The following ZNF423 variants were observed in gnomAD, a reference collection of about 807,000 sequenced individuals.
ZNF423 encodes zinc finger protein 423.
A neutral mutation model predicts 95.8 loss-of-function variants in ZNF423; 12 were observed. The ratio of observed to expected loss-of-function variants is 0.13; its 90% CI spans 0.08 to 0.20. The LOEUF (loss-of-function observed/expected upper bound fraction) is 0.20. Ranked by LOEUF, ZNF423 falls within the 10% of genes least tolerant of loss-of-function variation. The probability of loss-of-function intolerance (pLI) is 1.00; values close to 1 mark genes in which losing one functional copy is unlikely to be tolerated. For missense variants in ZNF423, 1,316 were observed against 1,737.1 expected (o/e 0.76, Z 4.31); for synonymous variants, 749 against 711.9 (o/e 1.05, Z -0.83).
intron 7 of ZNF423, among the ~76,000 whole-genome samples, chr16:49,522,355 G>A (rs902070519): frequency 2.6e-5 from 4 of 152,136 alleles, no homozygotes; most frequent in Non-Finnish European, 5.9e-5. Flanking sequence ...TGCTGGTAGA[G>A]AAGTCACCAC....
chr16:49,854,913 G>A (rs1158587918), intron 1 of ZNF423: 1 of 984,926 alleles, frequency 1.0e-6, no homozygotes, highest in Non-Finnish European at 1.2e-6. Flanking sequence ...GGGTGTCGAG[G>A]GTGCCGGTGC....
intron 3 of ZNF423, among the ~76,000 whole-genome samples, chr16:49,702,480 A>C (rs975759702): frequency 2.0e-5 from 3 of 152,118 alleles, no homozygotes; most frequent in African/African-American, 7.2e-5. Context: ...TACTGAAGGA[A>C]TCTTGAGGCG....
chr16:49,523,149 C>T (rs554305234), intron 7 of ZNF423, among the ~76,000 whole-genome samples: 8 of 152,278 alleles, frequency 5.3e-5, no homozygotes, highest in African/African-American at 1.9e-4. Context: ...CTGGTGACTG[C>T]CTCTAAGCTG....
At chr16:49,587,695 G>A (rs749607899) in intron 5 of ZNF423, among the ~76,000 whole-genome samples, 9 of 152,158 alleles carry the variant, frequency 5.9e-5, no homozygotes, top group Non-Finnish European at 8.8e-5. Context: ...CTAATGGCCT[G>A]GAAAGACTAT....
intron 5 of ZNF423, among the ~76,000 whole-genome samples, chr16:49,554,500 A>T (rs1023584910): frequency 1.4e-4 from 21 of 152,062 alleles, no homozygotes; most frequent in Non-Finnish European, 2.8e-4. Flanking sequence ...AAATGCCAAG[A>T]ATCGACTGGG....
intron 5 of ZNF423, among the ~76,000 whole-genome samples, chr16:49,579,185 A>G (rs1293605797): frequency 6.6e-6 from 1 of 152,078 alleles, no homozygotes; most frequent in Non-Finnish European, 1.5e-5. Flanking sequence ...GGCACTGGGA[A>G]TATTCTGTCC....
chr16:49,636,964 C>A lies in ZNF423; in HGVS notation c.2212G>T (p.Asp738Tyr). Residue 738 changes from aspartate to tyrosine, a missense_variant, in exon 4 of 8, where the codon GAC (aspartate) becomes TAC (tyrosine). Physicochemically the swap from Asp to Tyr is radical, Grantham distance 160 (BLOSUM62 -3). Coordinates refer to ENST00000563137, the MANE Select transcript of ZNF423 (RefSeq NM_001379286.1). This position sits in a 1 kb window ranked among gnomAD's most constrained non-coding sequence, Gnocchi z 8.6. ...YHCTLCQEVF[D>Y]SKVSIQVHLA... is the part of the protein sequence containing the mutation. ...TGCACCTGGATGGACACCTTGGAGT[C>A]GAAGACCTCCTGACACAGGGTGCAG... The A allele has an allele frequency of 6.2e-7, 1 of 1,613,650 alleles. No homozygotes were observed.
At chr16:49,509,882 G>C (rs1352349702) in intron 7 of ZNF423, among the ~76,000 whole-genome samples, 1 of 152,192 alleles carries the variant, frequency 6.6e-6, no homozygotes, top group Non-Finnish European at 1.5e-5. Flanking sequence ...CCTGTGAAAC[G>C]GGGATAACAG....
intron 2 of ZNF423, among the ~76,000 whole-genome samples, chr16:49,768,811 G>A (rs960081267): frequency 1.3e-5 from 2 of 151,816 alleles, no homozygotes; most frequent in Non-Finnish European, 2.9e-5. Context: ...ATCCTCCCCC[G>A]ATTGCCAGAA....
chr16:49,558,706 G>T (rs1826588875), intron 5 of ZNF423, among the ~76,000 whole-genome samples: 1 of 152,184 alleles, frequency 6.6e-6, no homozygotes, highest in South Asian at 2.1e-4. Context: ...CATCTTCCAT[G>T]AAATCAGCAG....
intron 4 of ZNF423, among the ~76,000 whole-genome samples, chr16:49,629,500 C>T (rs1972424589): frequency 6.6e-6 from 1 of 152,198 alleles, no homozygotes; most frequent in Admixed American, 6.5e-5. Context: ...GCAACACCCC[C>T]TCCATCCTTG....
In ZNF423 at chr16:49,712,121, T is replaced by TA. The variant is rs2032561777; in HGVS notation, c.301+18649dup. Among the ~76,000 whole-genome samples the TA allele has an allele frequency of 3.3e-5, 5 of 152,210 alleles. No homozygotes were observed. In the South Asian group the frequency reaches 8.3e-4, roughly 25 times the overall value. On this transcript the variant is annotated intron_variant, in intron 3 of 7. Transcript: ENST00000563137. ...AACAGAGCGAGACCCTGTCGCTATT[T>TA]AAAAAAATAATAATAATAAAGAATA...
intron 1 of ZNF423, among the ~76,000 whole-genome samples, chr16:49,796,664 A>G (rs781743835): frequency 6.6e-6 from 1 of 152,158 alleles, no homozygotes; most frequent in African/African-American, 2.4e-5. Flanking sequence ...AACAGAGGCT[A>G]GTGCTGGTCC....
chr16:49,700,227 G>GA (rs2032131520), intron 3 of ZNF423, among the ~76,000 whole-genome samples: 1 of 143,254 alleles, frequency 7.0e-6, no homozygotes, highest in African/African-American at 2.6e-5. Context: ...ACAAGAAGAA[G>GA]AAGAAGAAAA....
At chr16:49,667,506 C>G (rs758788940) in intron 3 of ZNF423, among the ~76,000 whole-genome samples, 1 of 152,214 alleles carries the variant, frequency 6.6e-6, no homozygotes, top group Non-Finnish European at 1.5e-5. Context: ...AGAGTCAGAC[C>G]ATTATCTTCT....
chr16:49,536,271 T>C (rs1969051956), intron 5 of ZNF423, among the ~76,000 whole-genome samples: 1 of 152,074 alleles, frequency 6.6e-6, no homozygotes. Flanking sequence ...TTTCTCAAAG[T>C]CCACCTTGAC....
At chr16:49,781,232 A>G (rs75587027) in intron 2 of ZNF423, among the ~76,000 whole-genome samples, 4,872 of 152,328 alleles carry the variant, frequency 0.032, 257 homozygotes, top group African/African-American at 0.11. Flanking sequence ...AGAAAAAAAA[A>G]GACCACCCAC....
At chr16:49,604,167 G>A (rs1971462170) in intron 5 of ZNF423, among the ~76,000 whole-genome samples, 1 of 152,208 alleles carries the variant, frequency 6.6e-6, no homozygotes, top group Admixed American at 6.5e-5. Context: ...CCCGCTGGCG[G>A]GCACCCGGGC....
chr16:49,544,875 TGCAGCATTG>T (rs1969386804), intron 5 of ZNF423, among the ~76,000 whole-genome samples: 1 of 152,244 alleles, frequency 6.6e-6, no homozygotes, highest in Admixed American at 6.5e-5. Context: ...AAGCGCAGGG[TGCAGCATTG>T]GGTGCTGGTG....
Sources: allele counts gnomAD v4.1 joint callset (sites outside exome capture counted in the v4.1 genomes callset), GRCh38; gene constraint gnomAD v4.1.1; non-coding constraint Gnocchi (gnomAD v3.1); transcripts MANE v1.5; gene names NCBI Gene and HGNC (gene_info 2026-07-23, HGNC 2026-07-21).